APBA1: variants seen among roughly 807,000 people sequenced by gnomAD.
The protein encoded by APBA1 is amyloid beta precursor protein binding family A member 1, also known as amyloid-beta A4 precursor protein-binding family A member 1.
A neutral mutation model predicts 86.6 loss-of-function variants in APBA1; 55 were observed. The ratio of observed to expected loss-of-function variants is 0.64; its 90% CI spans 0.51 to 0.80. The LOEUF (loss-of-function observed/expected upper bound fraction) is 0.80. Ranked by LOEUF, APBA1 falls within the 30% of genes least tolerant of loss-of-function variation. The pLI, the probability that APBA1 is intolerant of heterozygous loss-of-function variation, is 0.00. For missense variants in APBA1, 1,090 were observed against 1,183.0 expected (o/e 0.92, Z 1.15); for synonymous variants, 511 against 493.9 (o/e 1.03, Z -0.46).
chr9:69,593,005 C>T (rs1053802316), intron 1 of APBA1, among the ~76,000 whole-genome samples: 2 of 152,138 alleles, frequency 1.3e-5, no homozygotes, highest in African/African-American at 2.4e-5. Flanking sequence ...GCTTCTGCAA[C>T]AAAACAGTAT....
chr9:69,432,487 G>A, intron 12 of APBA1, 49 bp downstream of exon 12: 3 of 1,437,416 alleles, frequency 2.1e-6, no homozygotes, highest in South Asian at 1.6e-5. Flanking sequence ...CGAGGCAGGG[G>A]CACCAGACGC....
At chr9:69,614,399 T>C (rs1169002864) in intron 1 of APBA1, among the ~76,000 whole-genome samples, 1 of 152,198 alleles carries the variant, frequency 6.6e-6, no homozygotes, top group Non-Finnish European at 1.5e-5. Flanking sequence ...TGATAAGTGA[T>C]GCTAGACCTT....
chr9:69,619,572 G>A (rs1822772748), intron 1 of APBA1, among the ~76,000 whole-genome samples: 1 of 152,078 alleles, frequency 6.6e-6, no homozygotes, highest in South Asian at 2.1e-4. Context: ...ACAAAGGCAG[G>A]GCATCATTAT....
chr9:69,659,042 T>G (rs1823700669), intron 1 of APBA1, among the ~76,000 whole-genome samples: 1 of 152,184 alleles, frequency 6.6e-6, no homozygotes, highest in Non-Finnish European at 1.5e-5. Flanking sequence ...TCCCAGTTTT[T>G]CCTAGGAGCA....
chr9:69,655,398 T>C (rs1489850900), intron 1 of APBA1, among the ~76,000 whole-genome samples: 1 of 152,038 alleles, frequency 6.6e-6, no homozygotes, highest in African/African-American at 2.4e-5. Flanking sequence ...AGTTGTAGTA[T>C]ACAAAATCAA....
chr9:69,652,342 C>A (rs1255315817), intron 1 of APBA1, among the ~76,000 whole-genome samples: 1 of 152,120 alleles, frequency 6.6e-6, no homozygotes, highest in East Asian at 1.9e-4. Flanking sequence ...TGGGAGAAAT[C>A]TAAGGGCTAG....
chr9:69,662,472 T>C (rs997814353), intron 1 of APBA1, among the ~76,000 whole-genome samples: 1 of 152,178 alleles, frequency 6.6e-6, no homozygotes, highest in African/African-American at 2.4e-5. Flanking sequence ...CAATCATACC[T>C]GAACATAAGA....
Position 69,431,191 on chromosome 9 carries a change from T to A in APBA1, c.*136A>T, listed in dbSNP as rs1438504227. 2 of 602,416 alleles carry A rather than the reference T, an allele frequency of 3.3e-6. No homozygotes were observed. Among genetic ancestry groups the A allele is most frequent in the Non-Finnish European group, 5.6e-6 (2 of 354,090 alleles). The allele number at this position is 602,416 out of a possible 1,614,324, so 37.3% of individuals were successfully genotyped here. ...ATCGGAGAGAGTAAAGAGGTCCTTGTGGATTCTTCTCTTCCTGTGTAAAAC... is the reference window on the plus strand; with the variant it reads ...ATCGGAGAGAGTAAAGAGGTCCTTGAGGATTCTTCTCTTCCTGTGTAAAAC... On this transcript the variant is annotated 3_prime_UTR_variant, in exon 13 of 13. Transcript: ENST00000265381.
At chr9:69,635,774 TC>T (rs1447625292) in intron 1 of APBA1, among the ~76,000 whole-genome samples, 1 of 151,762 alleles carries the variant, frequency 6.6e-6, no homozygotes, top group African/African-American at 2.4e-5. Context: ...GATAAAGGGG[TC>T]AATTCAGCAA....
chr9:69,636,828 A>AGGGAGGGAGGGAGGGAGG (rs1452460180), intron 1 of APBA1, among the ~76,000 whole-genome samples: 5 of 7,130 alleles, frequency 7.0e-4, no homozygotes, highest in Non-Finnish European at 1.7e-3. Context: ...AGAGAGAGAG[A>AGGGAGGGAGGGAGGGAGG]GAGGGAGGGA....
At chr9:69,630,829 G>T (rs776781400) in intron 1 of APBA1, among the ~76,000 whole-genome samples, 3 of 152,182 alleles carry the variant, frequency 2.0e-5, no homozygotes, top group Non-Finnish European at 4.4e-5. Context: ...TGAAGGCTTT[G>T]GTTAACTGAA....
intron 2 of APBA1, among the ~76,000 whole-genome samples, chr9:69,483,135 T>TCAAAAAAA (rs60725694): frequency 0.66 from 86,353 of 131,150 alleles, 27,476 homozygotes; most frequent in East Asian, 0.74. Flanking sequence ...AAAAATTAAG[T>TCAAAAAAA]CAAAAAAACA....
At chr9:69,617,949 A>G (rs941023192) in intron 1 of APBA1, among the ~76,000 whole-genome samples, 9 of 139,236 alleles carry the variant, frequency 6.5e-5, no homozygotes, top group African/African-American at 2.1e-4. Flanking sequence ...TTCATCATCA[A>G]GCTTAAACAC....
At chr9:69,554,851 C>A (rs1420616187) in intron 1 of APBA1, among the ~76,000 whole-genome samples, 2 of 151,956 alleles carry the variant, frequency 1.3e-5, no homozygotes, top group Non-Finnish European at 2.9e-5. Context: ...TTTATGAGAG[C>A]TTTTTCTATT....
Position 69,569,752 on chromosome 9 carries a change from G to T in APBA1, c.-69-52473C>A, listed in dbSNP as rs368834829. 7.2e-5 allele frequency among the ~76,000 whole-genome samples: 11 copies of T among 152,206 alleles called. No individual in the cohort carries two copies. In the South Asian group the frequency reaches 2.3e-3, roughly 32 times the overall value. On this transcript the variant is annotated intron_variant, in intron 1 of 12. Transcript: ENST00000265381. Reference sequence around the variant, plus strand: ...AACTCTGTTATAGGGGTGAATGCCAGGCTTAAAATGGAAAAAAATTTCTTG... The same window carrying T: ...AACTCTGTTATAGGGGTGAATGCCATGCTTAAAATGGAAAAAAATTTCTTG...
chr9:69,597,772 C>T (rs1363838386), intron 1 of APBA1, among the ~76,000 whole-genome samples: 1 of 152,206 alleles, frequency 6.6e-6, no homozygotes, highest in African/African-American at 2.4e-5. Context: ...AATAGGGAAT[C>T]CTTTCCGCAT....
At chr9:69,524,515 C>G (rs1475902452) in intron 1 of APBA1, among the ~76,000 whole-genome samples, 1 of 151,802 alleles carries the variant, frequency 6.6e-6, no homozygotes, top group African/African-American at 2.4e-5. Context: ...CACACACTCT[C>G]CAAAAATTGA....
intron 2 of APBA1, among the ~76,000 whole-genome samples, chr9:69,514,056 T>TC (rs1176730536): frequency 6.6e-6 from 1 of 152,218 alleles, no homozygotes; most frequent in East Asian, 1.9e-4. Context: ...CAAAGGTTAG[T>TC]CTTCCTGATA....
chr9:69,631,832 C>T (rs1425103044), intron 1 of APBA1, among the ~76,000 whole-genome samples: 1 of 152,170 alleles, frequency 6.6e-6, no homozygotes, highest in Non-Finnish European at 1.5e-5. Context: ...CGCATGTTCT[C>T]ACTCATAGAT....
Sources: allele counts gnomAD v4.1 joint callset (sites outside exome capture counted in the v4.1 genomes callset), GRCh38; gene constraint gnomAD v4.1.1; transcripts MANE v1.5; gene names NCBI Gene and HGNC (gene_info 2026-07-23, HGNC 2026-07-21).